Variants in EPHX1 observed in about 807,000 individuals in gnomAD.
The protein encoded by EPHX1 is epoxide hydratase.
Under a neutral mutation model 43.2 loss-of-function variants are expected in EPHX1, and 40 were observed. The observed-to-expected ratio is 0.93, with a 90% CI of 0.72 to 1.21. The LOEUF is 1.21. Ranked by LOEUF, EPHX1 falls within the 50% of genes most tolerant of loss-of-function variation. The probability of loss-of-function intolerance (pLI) is 0.00; values close to 1 mark genes in which losing one functional copy is unlikely to be tolerated. For missense variants in EPHX1, 550 were observed against 570.4 expected (o/e 0.96, Z 0.36); for synonymous variants, 221 against 226.7 (o/e 0.98, Z 0.22).
At chr1:225,842,135 G>T (rs1668478870) in intron 6 of EPHX1, among the ~76,000 whole-genome samples, 1 of 152,260 alleles carries the variant, frequency 6.6e-6, no homozygotes, top group Non-Finnish European at 1.5e-5. Context: ...AGTGTGCCAG[G>T]CCCTGGGAGA....
chr1:225,824,213 T>TA (rs36232100), intron 1 of EPHX1, among the ~76,000 whole-genome samples: 6,014 of 152,128 alleles, frequency 0.04, 252 homozygotes, highest in African/African-American at 0.11. Context: ...TGTTTCTTAT[T>TA]ATTACATTTT....
At chr1:225,840,079 G>T in intron 6 of EPHX1, 42 bp downstream of exon 6, 1 of 1,604,322 alleles carries the variant, frequency 6.2e-7, no homozygotes. Context: ...CGGCTCCACT[G>T]GGGCAGGGAG....
intron 3 of EPHX1, 100 bp downstream of exon 3, chr1:225,832,059 A>T: frequency 7.6e-7 from 1 of 1,320,892 alleles, no homozygotes; most frequent in Non-Finnish European, 1.1e-6. Context: ...GAGATTCAGA[A>T]CCCAATTATA....
In EPHX1 at chr1:225,828,801, G is replaced by T; in HGVS notation, c.72G>T (p.Glu24Asp). ...AIYWFISRDK[E>D]ETLPLEDGWW... ...ACTGGTTCATCTCCCGGGACAAAGA[G>T]GAAACTTTGCCACTTGAAGATGGGT... Residue 24 changes from glutamate to aspartate, a missense_variant, in exon 2 of 9, where the codon GAG (glutamate) becomes GAT (aspartate). Physicochemically the swap from Glu to Asp is conservative, Grantham distance 45. Coordinates refer to ENST00000272167, the MANE Select transcript of EPHX1 (RefSeq NM_001136018.4). 6.2e-7 allele frequency: 1 copy of T among 1,613,952 alleles called. No individual in the cohort carries two copies. The highest frequency in any genetic ancestry group is 2.2e-5 in the East Asian group (1 of 44,870).
chr1:225,843,211 A>G (rs1162470744), intron 7 of EPHX1, among the ~76,000 whole-genome samples: 1 of 112,040 alleles, frequency 8.9e-6, no homozygotes, highest in African/African-American at 4.1e-5. Flanking sequence ...TGGAAGGAGG[A>G]TTCTTTGTCT....
chr1:225,832,824 C>T (rs1012765638), intron 3 of EPHX1, among the ~76,000 whole-genome samples: 10 of 152,064 alleles, frequency 6.6e-5, no homozygotes, highest in African/African-American at 1.4e-4. Flanking sequence ...ATTTTTTATG[C>T]GGTACTTATT....
At chr1:225,824,429 T>C (rs1667130450) in intron 1 of EPHX1, among the ~76,000 whole-genome samples, 3 of 152,222 alleles carry the variant, frequency 2.0e-5, no homozygotes, top group African/African-American at 7.2e-5. Context: ...GCCCCTTGCC[T>C]ACTCCGATTC....
intron 2 of EPHX1, among the ~76,000 whole-genome samples, chr1:225,831,294 A>C: frequency 6.6e-6 from 1 of 152,346 alleles, no homozygotes; most frequent in African/African-American, 2.4e-5. Flanking sequence ...TACACCTGTA[A>C]TCCCACCACT....
rs754724275 is a variant in EPHX1 at position 225,817,979 on chromosome 1, C to T, written c.-6+7810C>T. ...AGACCTGCCCTTTACTTTGTGTGGC[C>T]GGATCTGAGTCTGACCCCATCTTTT... is the stretch of plus-strand genomic sequence containing the variant. On this transcript the variant is annotated intron_variant, in intron 1 of 8. Transcript: ENST00000272167. The surrounding 1 kb of genome is among the most constrained non-coding windows in gnomAD (Gnocchi z 5.7). 2.0e-5 allele frequency among the ~76,000 whole-genome samples: 3 copies of T among 152,064 alleles called. No homozygotes were observed. Among genetic ancestry groups the T allele is most frequent in the Admixed American group, 1.3e-4 (2 of 15,284 alleles).
rs1668854466 is a variant in EPHX1 at position 225,845,212 on chromosome 1, G to A, written c.1233G>A (p.Lys411=). The A allele has an allele frequency of 6.2e-7, 1 of 1,614,162 alleles. No individual in the cohort carries two copies. Among genetic ancestry groups the A allele is most frequent in the Non-Finnish European group, 8.5e-7 (1 of 1,180,028 alleles). ...TTGAGCTATTGCACACGCCTGAAAA[G>A]TGGGTGAGGTTCAAGTACCCAAAGC... ...FPFELLHTPE[K]WVRFKYPKLI... The change falls in exon 9 of 9, where the codon AAG becomes AAA. Residue 411 remains lysine (K), a synonymous_variant. Coordinates refer to ENST00000272167, the MANE Select transcript of EPHX1 (RefSeq NM_001136018.4).
intron 8 of EPHX1, among the ~76,000 whole-genome samples, chr1:225,844,835 G>A (rs1668798333): frequency 6.6e-6 from 1 of 152,158 alleles, no homozygotes; most frequent in Non-Finnish European, 1.5e-5. Flanking sequence ...GCGGCCCTCA[G>A]TACCGCTCCC....
chr1:225,830,156 G>T (rs73127737), intron 2 of EPHX1, among the ~76,000 whole-genome samples: 69 of 152,308 alleles, frequency 4.5e-4, no homozygotes, highest in African/African-American at 1.1e-3. Context: ...AGGAGGAAGA[G>T]ATTTAAAAGC....
At chr1:225,842,133 A>G (rs552140579) in intron 6 of EPHX1, among the ~76,000 whole-genome samples, 1 of 152,376 alleles carries the variant, frequency 6.6e-6, no homozygotes, top group East Asian at 1.9e-4. Context: ...GCAGTGTGCC[A>G]GGCCCTGGGA....
chr1:225,810,899 T>G (rs561457866), intron 1 of EPHX1, among the ~76,000 whole-genome samples: 44 of 152,278 alleles, frequency 2.9e-4, no homozygotes, highest in African/African-American at 1.0e-3. Flanking sequence ...TGACATCAGT[T>G]AAGGCAGGAA....
chr1:225,835,873 C>T (rs1217236616), intron 3 of EPHX1, among the ~76,000 whole-genome samples: 4 of 151,954 alleles, frequency 2.6e-5, no homozygotes, highest in African/African-American at 9.7e-5. Flanking sequence ...TGGTACAAAA[C>T]CTCCCTCAGG....
intron 1 of EPHX1, among the ~76,000 whole-genome samples, chr1:225,811,598 T>G (rs1432097790): frequency 1.3e-5 from 2 of 152,212 alleles, no homozygotes; most frequent in Admixed American, 1.3e-4. Flanking sequence ...TCCAGCATAA[T>G]TTAAAATAAA....
At chr1:225,825,969 T>C (rs780159792) in intron 1 of EPHX1, among the ~76,000 whole-genome samples, 1 of 152,246 alleles carries the variant, frequency 6.6e-6, no homozygotes, top group Non-Finnish European at 1.5e-5. Context: ...CAGGATTTCC[T>C]GGCAGAGACA....
At chr1:225,842,264 C>G in intron 6 of EPHX1, 102 bp from the exon 7 acceptor site, 1 of 905,428 alleles carries the variant, frequency 1.1e-6, no homozygotes, top group South Asian at 1.3e-5. Flanking sequence ...GCTTCCTGCA[C>G]ACAGCCCCGC....
At chr1:225,824,151 G>A (rs1432973096) in intron 1 of EPHX1, among the ~76,000 whole-genome samples, 4 of 152,026 alleles carry the variant, frequency 2.6e-5, no homozygotes, top group African/African-American at 4.8e-5. Flanking sequence ...CACCCCCGCC[G>A]CCCCCGCAGT....
Sources: gnomAD v4.1 joint callset for allele counts (sites outside exome capture counted in the v4.1 genomes callset) on GRCh38, gnomAD v4.1.1 for gene constraint, Gnocchi (gnomAD v3.1) non-coding constraint, MANE v1.5 for transcripts, NCBI Gene and HGNC (gene_info 2026-07-23, HGNC 2026-07-21) for gene names.